Variants in CSMD1 observed in about 807,000 individuals in gnomAD.
The protein encoded by CSMD1 is CUB and sushi domain-containing protein 1.
Under a neutral mutation model 417.5 loss-of-function variants are expected in CSMD1, and 213 were observed. That is an observed-to-expected ratio of 0.51 (90% CI 0.46 to 0.57). The LOEUF is 0.57. CSMD1 is among the 20% of genes least tolerant of loss of function. CSMD1 has a pLI of 0.00. For missense variants in CSMD1, 6,923 were observed against 4,529.7 expected, an observed-to-expected ratio of 1.53 and a Z score of -15.17; for synonymous variants, 2,862 against 1,736.8, an observed-to-expected ratio of 1.65 and a Z score of -16.11.
chr8:4,740,603 T>C (rs975277838), intron 1 of CSMD1, among the ~76,000 whole-genome samples: 9 of 152,278 alleles, frequency 5.9e-5, no homozygotes, highest in East Asian at 5.8e-4. Context: ...CAAGCACCAA[T>C]TGATGAAATG....
rs116365870 is a variant in CSMD1 at position 3,581,820 on chromosome 8, T to A, written c.1222+4316A>T. 8.8e-3 allele frequency among the ~76,000 whole-genome samples: 1,347 copies of A among 152,264 alleles called. 21 individuals are homozygous for A. The highest frequency in any genetic ancestry group is 0.03 in the African/African-American group (1,267 of 41,548). On this transcript the variant is annotated intron_variant, in intron 9 of 69. Transcript: ENST00000635120. ...GTCTTTTTTTTTTCCTTTTTAGTTT[T>A]TGAGATGAAGTTTTGCTCTTGTCAC...
chr8:4,891,823 C>A (rs1287243451), intron 1 of CSMD1, among the ~76,000 whole-genome samples: 2 of 152,056 alleles, frequency 1.3e-5, no homozygotes, highest in Non-Finnish European at 1.5e-5. Context: ...AATGCATTTA[C>A]ATTATTTGTG....
At position 4,209,041 on chromosome 8, in the gene CSMD1, T is replaced by C. The variant is rs115534731; in HGVS notation, c.416-176942A>G. 6.8e-3 allele frequency among the ~76,000 whole-genome samples: 1,031 copies of C among 152,312 alleles called. 20 individuals are homozygous for C. Among genetic ancestry groups the C allele is most frequent in the African/African-American group, 0.024 (1,006 of 41,570 alleles). On this transcript the variant is annotated intron_variant, in intron 3 of 69. Transcript: ENST00000635120. The stretch of plus-strand genomic sequence containing the variant: ...ATGAATCCAATTGTATTCTCTCCTG[T>C]CTCTGACTTCTTGCTTCTTGAATTT...
intron 1 of CSMD1, among the ~76,000 whole-genome samples, chr8:4,817,381 G>C (rs1012789054): frequency 6.6e-6 from 1 of 152,114 alleles, no homozygotes. Context: ...AAAAAATGAG[G>C]CCTGCTTGGC....
intron 57 of CSMD1, among the ~76,000 whole-genome samples, chr8:2,970,423 G>A (rs1306124931): frequency 6.6e-6 from 1 of 152,174 alleles, no homozygotes; most frequent in East Asian, 1.9e-4. Flanking sequence ...CATACACCAA[G>A]TTCAGGCTGC....
intron 30 of CSMD1, among the ~76,000 whole-genome samples, chr8:3,207,700 G>C (rs1381713768): frequency 1.3e-5 from 2 of 152,032 alleles, no homozygotes; most frequent in African/African-American, 2.4e-5. Context: ...AAACAGCTCA[G>C]ACATCTGTCA....
At chr8:3,613,315 G>T (rs1353699719) in intron 8 of CSMD1, 1 of 415,814 alleles carries the variant, frequency 2.4e-6, no homozygotes, top group Admixed American at 2.8e-5. Context: ...AGCTTCCCTG[G>T]TGAATTATTC....
intron 1 of CSMD1, among the ~76,000 whole-genome samples, chr8:4,714,908 G>C (rs889701997): frequency 2.6e-5 from 4 of 152,168 alleles, no homozygotes; most frequent in African/African-American, 4.8e-5. Context: ...ATTTGACTAT[G>C]ATCCATAGCA....
At chr8:3,894,629 A>C (rs1807230033) in intron 5 of CSMD1, among the ~76,000 whole-genome samples, 2 of 152,220 alleles carry the variant, frequency 1.3e-5, no homozygotes, top group Non-Finnish European at 2.9e-5. Flanking sequence ...CTCAGTGCTA[A>C]GGCTAAACAA....
At chr8:3,757,306 C>T (rs1439446902) in intron 5 of CSMD1, among the ~76,000 whole-genome samples, 2 of 152,154 alleles carry the variant, frequency 1.3e-5, no homozygotes, top group Non-Finnish European at 2.9e-5. Flanking sequence ...TTATGGGTCA[C>T]ATGGTCTTTG....
intron 3 of CSMD1, among the ~76,000 whole-genome samples, chr8:4,288,335 C>A (rs1245240288): frequency 9.9e-5 from 15 of 152,132 alleles, no homozygotes; most frequent in Non-Finnish European, 2.2e-4. Context: ...TCCCTTCACC[C>A]TTCAATTTTC....
chr8:3,660,565 G>A (rs1046612289), intron 7 of CSMD1, among the ~76,000 whole-genome samples: 1 of 108,914 alleles, frequency 9.2e-6, no homozygotes, highest in Non-Finnish European at 1.7e-5. Context: ...CTGCAGTCCA[G>A]GCAAGAGTGC....
At position 4,751,370 on chromosome 8, in the gene CSMD1, G is replaced by A. The variant is rs1357029482; in HGVS notation, c.86-113812C>T. Among the ~76,000 whole-genome samples, 5 of 151,126 alleles carry A rather than the reference G, an allele frequency of 3.3e-5. No individual in the cohort carries two copies. In the South Asian group the frequency reaches 8.4e-4, roughly 25 times the overall value. On this transcript the variant is annotated intron_variant, in intron 1 of 69. Transcript: ENST00000635120. ...AGCGCCACTGCACTCCAGCCTGGAC[G>A]ACAGAGCAAGACTCTGTCTCAGGGG...
At chr8:4,030,861 C>G (rs1257669538) in intron 4 of CSMD1, among the ~76,000 whole-genome samples, 1 of 152,154 alleles carries the variant, frequency 6.6e-6, no homozygotes, top group Non-Finnish European at 1.5e-5. Context: ...AAATTTATTC[C>G]TCCAGATACC....
chr8:3,518,226 A>G (rs1375686981), intron 10 of CSMD1, among the ~76,000 whole-genome samples: 4 of 152,168 alleles, frequency 2.6e-5, no homozygotes, highest in Admixed American at 2.0e-4. Context: ...ATCTTTTTGT[A>G]GTTTTAATTT....
At chr8:4,013,916 C>CA (rs1196481807) in intron 4 of CSMD1, among the ~76,000 whole-genome samples, 8 of 151,996 alleles carry the variant, frequency 5.3e-5, no homozygotes, top group African/African-American at 7.3e-5. Context: ...TGGCCTTTGA[C>CA]AAAAAATGTT....
intron 3 of CSMD1, among the ~76,000 whole-genome samples, chr8:4,270,789 C>T (rs78686130): frequency 0.29 from 44,564 of 152,076 alleles, 6,807 homozygotes; most frequent in Admixed American, 0.38. Flanking sequence ...GGGGCTGTGG[C>T]TTCCTTCCTC....
intron 41 of CSMD1, among the ~76,000 whole-genome samples, chr8:3,122,773 G>A (rs1817282025): frequency 6.6e-6 from 1 of 152,154 alleles, no homozygotes; most frequent in Non-Finnish European, 1.5e-5. Context: ...ATGTGGAACT[G>A]TAAGTCCATT....
chr8:4,407,154 G>C (rs7838113), intron 3 of CSMD1, among the ~76,000 whole-genome samples: 1 of 151,994 alleles, frequency 6.6e-6, no homozygotes, highest in Admixed American at 6.6e-5. Flanking sequence ...AGCCAAAAGA[G>C]TAACTCTGGC....
Sources: allele counts gnomAD v4.1 joint callset (sites outside exome capture counted in the v4.1 genomes callset), GRCh38; gene constraint gnomAD v4.1.1; transcripts MANE v1.5; gene names NCBI Gene and HGNC (gene_info 2026-07-23, HGNC 2026-07-21).